KIF1A: variants seen among roughly 807,000 people sequenced by gnomAD.
KIF1A encodes kinesin family member 1A.
Under a neutral mutation model 227.3 loss-of-function variants are expected in KIF1A, and 46 were observed. The observed-to-expected ratio is 0.20, with a 90% CI of 0.16 to 0.26. The LOEUF is 0.26. Among genes scored for constraint, KIF1A ranks in the 10% least tolerant of loss-of-function variants. KIF1A has a pLI of 1.00. For missense variants in KIF1A, 1,683 were observed against 2,485.9 expected, an observed-to-expected ratio of 0.68 and a Z score of 6.87; for synonymous variants, 1,022 against 1,012.8, an observed-to-expected ratio of 1.01 and a Z score of -0.17.
chr2:240,742,077 G>A (rs987553915), intron 34 of KIF1A, among the ~76,000 whole-genome samples: 1 of 152,246 alleles, frequency 6.6e-6, no homozygotes. Flanking sequence ...CACAAAGCCT[G>A]TACAGACCAG....
At chr2:240,717,448 C>T in intron 48 of KIF1A, 42 bp from the exon 49 acceptor site, 1 of 1,590,694 alleles carries the variant, frequency 6.3e-7, no homozygotes, top group Non-Finnish European at 8.6e-7. Context: ...AGGCCAGGAA[C>T]ACCTGCAGGC....
chr2:240,779,178 A>G (rs1559520626), intron 10 of KIF1A, among the ~76,000 whole-genome samples: 1 of 146,324 alleles, frequency 6.8e-6, no homozygotes, highest in Non-Finnish European at 1.5e-5. Flanking sequence ...TTCCACACTC[A>G]GTCCCTCACT....
At chr2:240,727,915 G>T (rs2046214323) in intron 38 of KIF1A, among the ~76,000 whole-genome samples, 1 of 152,194 alleles carries the variant, frequency 6.6e-6, no homozygotes, top group Non-Finnish European at 1.5e-5. Context: ...TCATACCCGA[G>T]GTGGACAATT....
chr2:240,793,150 G>A lies in KIF1A; in HGVS notation c.107-3838C>T, dbSNP rs529902962. The stretch of plus-strand genomic sequence containing the variant: ...GGCTTGCCCAGGTCCCCGACTGCTC[G>A]GGATTGGGGGAGCCCACAGCGGAGG... On this transcript the variant is annotated intron_variant, in intron 2 of 48. Transcript: ENST00000498729. The surrounding 1 kb of genome is among the most constrained non-coding windows in gnomAD (Gnocchi z 4.8). Among the ~76,000 whole-genome samples the A allele has an allele frequency of 3.8e-4, 58 of 152,304 alleles. No homozygotes were observed. The highest frequency in any genetic ancestry group is 1.9e-3 in the East Asian group (10 of 5,178).
rs573148052 is a variant in KIF1A at position 240,760,363 on chromosome 2, C to T, written c.2444+302G>A. 6.9e-4 allele frequency among the ~76,000 whole-genome samples: 105 copies of T among 152,380 alleles called. 1 individual carries two copies. The highest frequency in any genetic ancestry group is 6.8e-3 in the Admixed American group (104 of 15,314). The stretch of plus-strand genomic sequence containing the variant: ...TCGGTGCCACAGCCTGCCCTCCCCT[C>T]CACTGCACCGTCCTGACCCCTGTGG... On this transcript the variant is annotated intron_variant, in intron 25 of 48. Transcript: ENST00000498729.
chr2:240,760,171 C>T (rs2050342464), intron 25 of KIF1A, among the ~76,000 whole-genome samples: 1 of 152,254 alleles, frequency 6.6e-6, no homozygotes, highest in East Asian at 1.9e-4. Flanking sequence ...TCAGCTCCTC[C>T]TCCACCTTCC....
chr2:240,753,522 C>A (rs1425286365), intron 27 of KIF1A, among the ~76,000 whole-genome samples: 1 of 152,170 alleles, frequency 6.6e-6, no homozygotes, highest in African/African-American at 2.4e-5. Flanking sequence ...GAGGCCCAAG[C>A]CCCTCGCAAC....
chr2:240,766,722 ATCTCTC>A lies in KIF1A; in HGVS notation c.1684+187_1684+192del, dbSNP rs67736580. 8.6e-4 allele frequency among the ~76,000 whole-genome samples: 105 copies of A among 122,616 alleles called. 2 individuals carry two copies. The highest frequency in any genetic ancestry group is 4.6e-3 in the Middle Eastern group (1 of 216). 80.4% of individuals were successfully genotyped at this position (122,616 alleles called of 152,430 possible). On this transcript the variant is annotated intron_variant, in intron 19 of 48. Coordinates refer to ENST00000498729, the MANE Select transcript of KIF1A (RefSeq NM_001244008.2). The surrounding 1 kb of genome is among the most constrained non-coding windows in gnomAD (Gnocchi z 5.0). The stretch of plus-strand genomic sequence containing the variant: ...CCCAAATATCTCTCTCTCTCTCCAA[ATCTCTC>A]TCTCTCTCTCTCTCTCTCTCTCACA...
At chr2:240,748,152 A>G (rs2048819243) in intron 28 of KIF1A, among the ~76,000 whole-genome samples, 1 of 152,232 alleles carries the variant, frequency 6.6e-6, no homozygotes, top group South Asian at 2.1e-4. Flanking sequence ...GCACTATCCC[A>G]GTCTGGTTTC....
Position 240,720,960 on chromosome 2 carries a change from T to TGGA in KIF1A, c.4819_4821dup (p.Ser1607dup), listed in dbSNP as rs2045291658. ...CGCCCTTCAACCAGAGAGGGGCAAG[T>TGGA]GGAGGAGGGGGTGAGAGTGGCCACC... is the stretch of plus-strand genomic sequence containing the variant. On this transcript the variant is annotated inframe_insertion, in exon 45 of 49. Coordinates refer to ENST00000498729, the MANE Select transcript of KIF1A (RefSeq NM_001244008.2). 3.7e-6 allele frequency: 6 copies of TGGA among 1,601,214 alleles called. No homozygotes were observed. Among genetic ancestry groups the TGGA allele is most frequent in the Non-Finnish European group, 5.1e-6 (6 of 1,174,536 alleles).
Position 240,723,508 on chromosome 2 carries a change from G to A in KIF1A, c.4369C>T (p.Arg1457Trp), listed in dbSNP as rs2125604949. 6.4e-7 allele frequency: 1 copy of A among 1,552,268 alleles called. No homozygotes were observed. The highest frequency in any genetic ancestry group is 8.7e-7 in the Non-Finnish European group (1 of 1,148,558). Reference protein sequence around the residue: ...RVLDTSVAYVRGEENLAGWRP... With the variant: ...RVLDTSVAYVWGEENLAGWRP... ...CAGCCTGCCAGGTTCTCCTCGCCCC[G>A]GACATAGGCCACAGATGTGTCCAGG... is the stretch of plus-strand genomic sequence containing the variant. The change falls in exon 42 of 49, where the codon CGG becomes TGG. Residue 1457 changes from arginine (R) to tryptophan (W), a missense_variant. By Grantham distance (101) the Arg-to-Trp change is moderately radical. Around this residue, in one of 12 missense-constraint regions of KIF1A, gnomAD observed 759 missense variants for 1,020.2 expected, o/e 0.74. Coordinates refer to ENST00000498729, the MANE Select transcript of KIF1A (RefSeq NM_001244008.2).
chr2:240,747,736 A>G (rs1038846466), intron 28 of KIF1A, among the ~76,000 whole-genome samples: 6 of 152,090 alleles, frequency 3.9e-5, no homozygotes, highest in African/African-American at 1.4e-4. Flanking sequence ...TGAAGCTACC[A>G]CCTGTCACCT....
Position 240,793,114 on chromosome 2 carries a change from C to T in KIF1A, c.107-3802G>A, listed in dbSNP as rs1014274909. ...GGGACCACACGGGTGCTACTGCTGC[C>T]CGTGCAGAGGGGCTTGCCCAGGTCC... On this transcript the variant is annotated intron_variant, in intron 2 of 48. Transcript: ENST00000498729. This position sits in a 1 kb window ranked among gnomAD's most constrained non-coding sequence, Gnocchi z 4.8. 6.6e-6 allele frequency among the ~76,000 whole-genome samples: 1 copy of T among 152,212 alleles called. No individual in the cohort carries two copies. Among genetic ancestry groups the T allele is most frequent in the African/African-American group, 2.4e-5 (1 of 41,456 alleles).
At chr2:240,735,633 C>T (rs1316216541) in intron 38 of KIF1A, among the ~76,000 whole-genome samples, 1 of 152,150 alleles carries the variant, frequency 6.6e-6, no homozygotes, top group Non-Finnish European at 1.5e-5. Flanking sequence ...CCCCCTACTC[C>T]AATTCCTGGT....
intron 10 of KIF1A, among the ~76,000 whole-genome samples, chr2:240,776,203 A>C (rs1459916191): frequency 6.6e-6 from 1 of 152,126 alleles, no homozygotes; most frequent in Non-Finnish European, 1.5e-5. Context: ...TGGGCCACCC[A>C]GCTGGACACC....
At chr2:240,771,956 G>A (rs988747742) in intron 14 of KIF1A, among the ~76,000 whole-genome samples, 1 of 152,222 alleles carries the variant, frequency 6.6e-6, no homozygotes, top group African/African-American at 2.4e-5. Flanking sequence ...CACACGGGGT[G>A]TGGGGGAAGT....
Position 240,721,819 on chromosome 2 carries a change from G to A in KIF1A, c.4731C>T (p.Ala1577=). The A allele has an allele frequency of 6.2e-7, 1 of 1,605,600 alleles. No individual in the cohort carries two copies. The highest frequency in any genetic ancestry group is 8.5e-7 in the Non-Finnish European group (1 of 1,179,112). ...EYTHSHVCVS[A]SESKLSEMSV... The stretch of plus-strand genomic sequence containing the variant: ...CCTCTGCACCCACCTTGCTCTCGCT[G>A]GCACTGACGCAGACGTGGCTGTGTG... Residue 1577 remains alanine (A), a synonymous_variant, in exon 44 of 49, where the codon GCC becomes GCT. Coordinates refer to ENST00000498729, the MANE Select transcript of KIF1A (RefSeq NM_001244008.2).
chr2:240,735,175 C>T (rs1429318842), intron 38 of KIF1A, among the ~76,000 whole-genome samples: 3 of 152,282 alleles, frequency 2.0e-5, no homozygotes, highest in South Asian at 4.1e-4. Flanking sequence ...AGGAGCCAAG[C>T]GAGGGCCAAA....
At chr2:240,767,955 C>T (rs772876123) in intron 17 of KIF1A, among the ~76,000 whole-genome samples, 2 of 152,172 alleles carry the variant, frequency 1.3e-5, no homozygotes, top group Non-Finnish European at 2.9e-5. Flanking sequence ...GTGGAGACCT[C>T]GTCACTGGAC....
Sources: allele counts gnomAD v4.1 joint callset (sites outside exome capture counted in the v4.1 genomes callset), GRCh38; gene constraint gnomAD v4.1.1; regional missense constraint gnomAD v4.1.1; non-coding constraint Gnocchi (gnomAD v3.1); transcripts MANE v1.5; gene names NCBI Gene and HGNC (gene_info 2026-07-23, HGNC 2026-07-21).